The following SDAD1 variants were observed in gnomAD, a reference collection of about 807,000 sequenced individuals.
SDAD1 encodes the protein SDA1 domain containing 1.
SDAD1 carries 79 observed loss-of-function variants against 100.3 expected under a neutral mutation model. That is an observed-to-expected ratio of 0.79 (90% CI 0.66 to 0.95). The LOEUF (loss-of-function observed/expected upper bound fraction) is 0.95, where lower values mean the gene tolerates loss of function less well. Among genes scored for constraint, SDAD1 ranks in the 40% least tolerant of loss-of-function variants. The probability of loss-of-function intolerance (pLI) is 0.00; values close to 1 mark genes in which losing one functional copy is unlikely to be tolerated. For synonymous variants in SDAD1, 267 were observed against 271.4 expected (o/e 0.98, Z 0.16); for missense variants, 790 against 810.9 (o/e 0.97, Z 0.31).
chr4:75,966,881 C>G (rs1412350437), intron 12 of SDAD1, among the ~76,000 whole-genome samples: 3 of 152,084 alleles, frequency 2.0e-5, no homozygotes. Flanking sequence ...GCGATTCTGT[C>G]TCAGCCTCCT....
intron 14 of SDAD1, among the ~76,000 whole-genome samples, chr4:75,961,888 C>CT (rs1006325329): frequency 4.0e-5 from 6 of 148,734 alleles, no homozygotes; most frequent in African/African-American, 1.5e-4. Context: ...AGAGGAGAGA[C>CT]TTTTTTTTCA....
intron 13 of SDAD1, 42 bp from the exon 14 acceptor site, chr4:75,964,253 C>T (rs1481158153): frequency 1.6e-6 from 2 of 1,284,758 alleles, no homozygotes; most frequent in African/African-American, 3.0e-5. Flanking sequence ...GATTAAATGT[C>T]TGCATACACA....
Position 75,967,225 on chromosome 4 carries a change from T to C in SDAD1, c.1045+52A>G, listed in dbSNP as rs1729597188. On this transcript the variant is annotated intron_variant, in intron 12 of 21. Transcript: ENST00000356260. ...TGATTCCAGAACAAAAGACTTTGCA[T>C]GTTTATTCTATTACCAAGGCCACCA... 3.9e-6 allele frequency: 6 copies of C among 1,530,896 alleles called. No individual in the cohort carries two copies. In the South Asian group the frequency reaches 5.6e-5, roughly 14 times the overall value. 94.8% of individuals were successfully genotyped at this position (1,530,896 alleles called of 1,614,324 possible). A position where few individuals can be genotyped will look rare whatever the true frequency, so the allele number is the denominator to read the frequency against.
rs539878364 is a variant in SDAD1, at chr4:75,958,686, A to T, written c.1484-745T>A. Among the ~76,000 whole-genome samples, 63 of 151,884 alleles carry T rather than the reference A, an allele frequency of 4.1e-4. 1 individual carries two copies. The highest frequency in any genetic ancestry group is 1.5e-3 in the African/African-American group (63 of 41,418). On this transcript the variant is annotated intron_variant, in intron 17 of 21. Transcript: ENST00000356260. ...TCTTGTATCCTACATTCTAATAGTT[A>T]GTTCCCTAAATCCTTCAAGACTTTG...
At chr4:75,970,782 T>C (rs577895031) in intron 9 of SDAD1, among the ~76,000 whole-genome samples, 5 of 152,168 alleles carry the variant, frequency 3.3e-5, no homozygotes, top group Non-Finnish European at 7.4e-5. Flanking sequence ...TCTCACAAGA[T>C]CTGATGGTTT....
chr4:75,969,988 GT>G (rs72249104), intron 10 of SDAD1, among the ~76,000 whole-genome samples: 35,146 of 144,994 alleles, frequency 0.24, 4,454 homozygotes, highest in East Asian at 0.4. Context: ...CACAGACTAG[GT>G]TTTTTTTTTT....
At chr4:75,953,190 A>C (rs771624250) in intron 21 of SDAD1, among the ~76,000 whole-genome samples, 3 of 152,224 alleles carry the variant, frequency 2.0e-5, no homozygotes, top group Admixed American at 6.5e-5. Context: ...TGAAATCTTA[A>C]TTTACTCTCA....
chr4:75,981,825 T>C (rs914217345), intron 2 of SDAD1, 108 bp downstream of exon 2: 1 of 856,168 alleles, frequency 1.2e-6, no homozygotes, highest in African/African-American at 1.7e-5. Context: ...AGAAAAATAT[T>C]TTAATTAAGT....
At chr4:75,974,033 C>A (rs1448622377) in intron 7 of SDAD1, 43 bp downstream of exon 7, 4 of 1,547,454 alleles carry the variant, frequency 2.6e-6, no homozygotes, top group Non-Finnish European at 3.6e-6. Flanking sequence ...CAGAAGCAGA[C>A]CATCCACAGA....
chr4:75,963,531 T>C (rs1302214468), intron 14 of SDAD1, among the ~76,000 whole-genome samples: 1 of 152,222 alleles, frequency 6.6e-6, no homozygotes, highest in Non-Finnish European at 1.5e-5. Context: ...GCATGGAATG[T>C]TCTTCCATTT....
At chr4:75,953,159 CCAA>C (rs1728707248) in intron 21 of SDAD1, among the ~76,000 whole-genome samples, 1 of 152,098 alleles carries the variant, frequency 6.6e-6, no homozygotes, top group Non-Finnish European at 1.5e-5. Context: ...CATTCTTGAA[CCAA>C]CAAGTGCATA....
rs777856086 is a variant in SDAD1 at position 75,976,014 on chromosome 4, A to G, written c.406-19T>C. ...ATAAAGTCTGAGGAAAAGAAACAAA[A>G]ATATATACATTAAACCTAACCAACA... is the stretch of plus-strand genomic sequence containing the variant. On this transcript the variant is annotated intron_variant, in intron 4 of 21. Transcript: ENST00000356260. 26 of 1,484,660 alleles carry G rather than the reference A, an allele frequency of 1.8e-5. No individual in the cohort carries two copies. Among genetic ancestry groups the G allele is most frequent in the Non-Finnish European group, 2.3e-5 (24 of 1,064,780 alleles). The allele number at this position is 1,484,660 out of a possible 1,614,324, so 92.0% of individuals were successfully genotyped here.
At chr4:75,987,652 C>T (rs963190176) in intron 1 of SDAD1, among the ~76,000 whole-genome samples, 3 of 152,102 alleles carry the variant, frequency 2.0e-5, no homozygotes, top group Admixed American at 2.0e-4. Context: ...CAGGTGCCCG[C>T]CACCACACCT....
intron 12 of SDAD1, 124 bp downstream of exon 12, chr4:75,967,153 T>A: frequency 1.2e-6 from 1 of 837,684 alleles, no homozygotes; most frequent in Non-Finnish European, 1.9e-6. Flanking sequence ...AAACAAGGGC[T>A]TCTCTTCACA....
At chr4:75,957,287 T>C in intron 20 of SDAD1, 38 bp downstream of exon 20, 1 of 1,547,548 alleles carries the variant, frequency 6.5e-7, no homozygotes, top group Non-Finnish European at 8.8e-7. Context: ...TTTTATTTGC[T>C]TTCTGTTTAA....
intron 21 of SDAD1, 127 bp from the exon 22 acceptor site, chr4:75,950,924 T>C (rs1208930678): frequency 5.3e-6 from 3 of 568,152 alleles, no homozygotes; most frequent in East Asian, 5.6e-5. Context: ...CTATAAATGA[T>C]AAAATATTCC....
intron 16 of SDAD1, among the ~76,000 whole-genome samples, chr4:75,960,825 C>T (rs1729188600): frequency 6.6e-6 from 1 of 152,198 alleles, no homozygotes; most frequent in Non-Finnish European, 1.5e-5. Flanking sequence ...CTTCAAGACA[C>T]AGTCATCATC....
intron 9 of SDAD1, among the ~76,000 whole-genome samples, 198 bp downstream of exon 9, chr4:75,971,159 C>G (rs1277702185): frequency 6.6e-6 from 1 of 152,190 alleles, no homozygotes; most frequent in African/African-American, 2.4e-5. Context: ...TTTAATTAAA[C>G]TAATTTATCC....
intron 1 of SDAD1, among the ~76,000 whole-genome samples, chr4:75,983,421 A>T (rs1330562439): frequency 2.6e-5 from 4 of 152,188 alleles, no homozygotes; most frequent in African/African-American, 7.2e-5. Context: ...AGTGTAAAAG[A>T]GTTCCTATTT....
Sources: allele counts gnomAD v4.1 joint callset (sites outside exome capture counted in the v4.1 genomes callset), GRCh38; gene constraint gnomAD v4.1.1; transcripts MANE v1.5; gene names NCBI Gene and HGNC (gene_info 2026-07-23, HGNC 2026-07-21).